ADAMTS17: variants seen among roughly 807,000 people sequenced by gnomAD.
The protein encoded by ADAMTS17 is A disintegrin and metalloproteinase with thrombospondin motifs 17.
A neutral mutation model predicts 141.5 loss-of-function variants in ADAMTS17; 113 were observed. The observed-to-expected ratio is 0.80, with a 90% CI of 0.69 to 0.93. The LOEUF is 0.93. Among genes scored for constraint, ADAMTS17 ranks in the 40% least tolerant of loss-of-function variants. The probability of loss-of-function intolerance (pLI) is 0.00; values close to 1 mark genes in which losing one functional copy is unlikely to be tolerated. For synonymous variants in ADAMTS17, 768 were observed against 630.6 expected, an observed-to-expected ratio of 1.22 and a Z score of -3.27; for missense variants, 1,659 against 1,517.9, an observed-to-expected ratio of 1.09 and a Z score of -1.54.
chr15:100,102,027 G>A (rs1211267728), intron 14 of ADAMTS17, among the ~76,000 whole-genome samples: 1 of 152,188 alleles, frequency 6.6e-6, no homozygotes, highest in Non-Finnish European at 1.5e-5. Context: ...TAAACTACAT[G>A]TAACTTCTGC....
rs76754135 is a variant in ADAMTS17, at chr15:99,994,940, G to C, written c.2797-1740C>G. 8.9e-3 allele frequency among the ~76,000 whole-genome samples: 1,357 copies of C among 152,348 alleles called. 23 individuals are homozygous for C. Among genetic ancestry groups the C allele is most frequent in the African/African-American group, 0.031 (1,289 of 41,576 alleles). On this transcript the variant is annotated intron_variant, in intron 19 of 21. Coordinates refer to ENST00000268070, the MANE Select transcript of ADAMTS17 (RefSeq NM_139057.4). ...TTTCTTTCAAGGCTAATTAAGGCTG[G>C]TTGGAAATGCACATGCTTCAGAACT...
intron 3 of ADAMTS17, among the ~76,000 whole-genome samples, chr15:100,319,240 G>A (rs896579345): frequency 1.2e-4 from 18 of 152,244 alleles, no homozygotes; most frequent in Admixed American, 3.9e-4. Flanking sequence ...TAAATGGGAC[G>A]TGTGCTTTTC....
intron 4 of ADAMTS17, among the ~76,000 whole-genome samples, chr15:100,277,471 T>C (rs1440740449): frequency 6.6e-6 from 1 of 152,200 alleles, no homozygotes; most frequent in African/African-American, 2.4e-5. Context: ...CTCTGCCTTA[T>C]TACTACCTTA....
Position 100,132,000 on chromosome 15 carries a change from G to T in ADAMTS17, c.1721+7C>A. ...CACGTTGGGGTATGGCTGGTCAGGG[G>T]ACTTACGGGGGGTTGTCACATTTCC... On this transcript the variant is annotated splice_region_variant and intron_variant, in intron 12 of 21. Coordinates refer to ENST00000268070, the MANE Select transcript of ADAMTS17 (RefSeq NM_139057.4). 1.9e-6 allele frequency: 3 copies of T among 1,614,192 alleles called. No homozygotes were observed. Among genetic ancestry groups the T allele is most frequent in the Non-Finnish European group, 2.5e-6 (3 of 1,180,038 alleles).
chr15:100,199,283 A>G, intron 8 of ADAMTS17, 35 bp downstream of exon 8: 1 of 1,585,224 alleles, frequency 6.3e-7, no homozygotes, highest in East Asian at 2.2e-5. Flanking sequence ...AAAAGGACTG[A>G]AAGAAAACAG....
At chr15:100,258,943 T>C (rs988040515) in intron 6 of ADAMTS17, among the ~76,000 whole-genome samples, 9 of 150,730 alleles carry the variant, frequency 6.0e-5, no homozygotes, top group African/African-American at 1.9e-4. Context: ...GTGACATTTA[T>C]TGCCTCTGGA....
intron 8 of ADAMTS17, among the ~76,000 whole-genome samples, chr15:100,181,459 G>A (rs1385248940): frequency 6.6e-6 from 1 of 152,216 alleles, no homozygotes; most frequent in East Asian, 1.9e-4. Context: ...TCTAAGCCAA[G>A]GCCCATGGCA....
At chr15:100,168,495 G>A (rs1052788294) in intron 8 of ADAMTS17, 9 of 152,356 alleles carry the variant, frequency 5.9e-5, no homozygotes, top group African/African-American at 2.2e-4. Context: ...TGGTGCTGCA[G>A]ACACAGGGCT....
chr15:100,294,201 T>A (rs2044733383), intron 3 of ADAMTS17, among the ~76,000 whole-genome samples: 1 of 152,190 alleles, frequency 6.6e-6, no homozygotes, highest in South Asian at 2.1e-4. Context: ...CTGTTAATTA[T>A]TAGGGTCTAA....
At chr15:99,995,881 C>T (rs570442087) in intron 19 of ADAMTS17, among the ~76,000 whole-genome samples, 12 of 152,226 alleles carry the variant, frequency 7.9e-5, no homozygotes, top group South Asian at 4.2e-4. Flanking sequence ...GGTGCTCGTT[C>T]GGGATTAGGA....
Position 100,006,654 on chromosome 15 carries a change from A to G in ADAMTS17, c.2592-9065T>C, listed in dbSNP as rs542160780. Among the ~76,000 whole-genome samples, 34 of 152,358 alleles carry G rather than the reference A, an allele frequency of 2.2e-4. No homozygotes were observed. In the South Asian group the frequency reaches 5.6e-3, roughly 25 times the overall value. On this transcript the variant is annotated intron_variant, in intron 18 of 21. Coordinates refer to ENST00000268070, the MANE Select transcript of ADAMTS17 (RefSeq NM_139057.4). ...TAACAAGTGGTTTGTCCAGGGGTCC[A>G]GTGTTAACTTTGTGCCTCCTCAGAA... is the stretch of plus-strand genomic sequence containing the variant.
At chr15:100,226,638 G>C (rs1807855725) in intron 7 of ADAMTS17, among the ~76,000 whole-genome samples, 1 of 152,208 alleles carries the variant, frequency 6.6e-6, no homozygotes, top group Non-Finnish European at 1.5e-5. Context: ...GCCTGGAAAG[G>C]AGAGTGCAGG....
intron 8 of ADAMTS17, among the ~76,000 whole-genome samples, chr15:100,182,517 C>T (rs573865248): frequency 6.6e-5 from 10 of 152,284 alleles, no homozygotes; most frequent in African/African-American, 2.2e-4. Context: ...CCTCTCTGTG[C>T]TACACTGTGG....
chr15:100,325,426 A>G (rs2045869065), intron 3 of ADAMTS17, among the ~76,000 whole-genome samples: 1 of 152,224 alleles, frequency 6.6e-6, no homozygotes, highest in Admixed American at 6.5e-5. Context: ...GGACGGAGAC[A>G]TGCAGAGAGA....
intron 15 of ADAMTS17, among the ~76,000 whole-genome samples, chr15:100,085,491 A>AAC (rs1165461103): frequency 6.6e-6 from 1 of 151,724 alleles, no homozygotes; most frequent in Non-Finnish European, 1.5e-5. Flanking sequence ...AAATATAGAG[A>AAC]ACACCACAAA....
In ADAMTS17 at chr15:99,972,836, T is replaced by C. The variant is rs2060239064; in HGVS notation, c.*1566A>G. 1 of 152,178 alleles carries C rather than the reference T, an allele frequency of 6.6e-6. No homozygotes were observed. The highest frequency in any genetic ancestry group is 2.4e-5 in the African/African-American group (1 of 41,424). The allele number at this position is 152,178 out of a possible 1,614,324, so 9.4% of individuals were successfully genotyped here. ...GGTGGAGAAGGCAGAGAGGCTTCTT[T>C]CTGATTTAAGCTAACTCTACGGTTG... is the stretch of plus-strand genomic sequence containing the variant. On this transcript the variant is annotated 3_prime_UTR_variant, in exon 22 of 22. Transcript: ENST00000268070.
intron 10 of ADAMTS17, among the ~76,000 whole-genome samples, chr15:100,148,387 CAGA>C (rs1331950205): frequency 6.6e-5 from 10 of 151,942 alleles, no homozygotes; most frequent in Non-Finnish European, 1.2e-4. Flanking sequence ...TCATTTTCTG[CAGA>C]AGATTTCCTT....
In ADAMTS17 at chr15:100,096,254, T is replaced by A. The variant is rs192601332; in HGVS notation, c.2137+102A>T. ...GTTCCAGGTCACCTATCCACTACCA[T>A]CTAGCCCTTAAATATGAAATGTAGG... On this transcript the variant is annotated intron_variant, in intron 15 of 21. Transcript: ENST00000268070. The A allele has an allele frequency of 3.2e-6, 5 of 1,583,378 alleles. No individual in the cohort carries two copies. In the African/African-American group the frequency reaches 6.7e-5, roughly 21 times the overall value.
intron 18 of ADAMTS17, among the ~76,000 whole-genome samples, chr15:100,048,202 T>G (rs4965563): frequency 6.6e-6 from 1 of 151,812 alleles, no homozygotes; most frequent in Non-Finnish European, 1.5e-5. Flanking sequence ...ACCATTCACC[T>G]CAATTCACAG....
Sources: allele counts gnomAD v4.1 joint callset (sites outside exome capture counted in the v4.1 genomes callset), GRCh38; gene constraint gnomAD v4.1.1; transcripts MANE v1.5; gene names NCBI Gene and HGNC (gene_info 2026-07-23, HGNC 2026-07-21).